METTL22: variants seen among roughly 807,000 people sequenced by gnomAD.
The protein encoded by METTL22 is methyltransferase 22, Kin17 lysine, also known as methyltransferase-like protein 22.
A neutral mutation model predicts 48.4 loss-of-function variants in METTL22; 51 were observed. The ratio of observed to expected loss-of-function variants is 1.05; its 90% CI spans 0.84 to 1.33. The LOEUF is 1.33. Among genes scored for constraint, METTL22 ranks in the 40% most tolerant of loss-of-function variants. METTL22 has a pLI of 0.00. For synonymous variants in METTL22, 255 were observed against 214.1 expected (o/e 1.19, Z -1.67); for missense variants, 678 against 526.9 (o/e 1.29, Z -2.81).
rs1447652809 is a variant in METTL22 at position 8,644,624 on chromosome 16, C to T, written c.1078C>T (p.His360Tyr). 2.5e-6 allele frequency: 4 copies of T among 1,605,994 alleles called. No homozygotes were observed. The change falls in exon 10 of 11, where the codon CAC becomes TAC. Residue 360 changes from histidine (H) to tyrosine (Y), a missense_variant. Physicochemically the swap from His to Tyr is moderately conservative, Grantham distance 83. Coordinates refer to ENST00000381920, the MANE Select transcript of METTL22 (RefSeq NM_024109.4). ...EAYDHFRSCL[H>Y]ALEQLADGKL... is the part of the protein sequence containing the mutation. ...CTACGATCACTTCCGCTCCTGCCTG[C>T]ACGCGCTGGAGCAGCTCGCAGATGG...
Position 8,642,581 on chromosome 16 carries a change from C to A in METTL22, c.1010+16C>A, listed in dbSNP as rs368955910. 1 of 1,611,590 alleles carries A rather than the reference C, an allele frequency of 6.2e-7. No individual in the cohort carries two copies. Among genetic ancestry groups the A allele is most frequent in the Non-Finnish European group, 8.5e-7 (1 of 1,177,678 alleles). On this transcript the variant is annotated intron_variant, in intron 9 of 10. Transcript: ENST00000381920. Reference sequence around the variant, plus strand: ...TGGAGAAGAGGTGAGCTTTGCGCCACGGGAACCGTGCTGACGTCCCGAGTG... The same window carrying A: ...TGGAGAAGAGGTGAGCTTTGCGCCAAGGGAACCGTGCTGACGTCCCGAGTG...
At chr16:8,631,390 T>C (rs1360397848) in intron 3 of METTL22, 1 of 152,158 alleles carries the variant, frequency 6.6e-6, no homozygotes, top group Non-Finnish European at 1.5e-5. Context: ...GGGCTGGAAC[T>C]CAGGCCGTCA....
In METTL22 at chr16:8,647,851, G is replaced by C. The variant is rs557269862; in HGVS notation, c.*1708G>C. 6.6e-6 allele frequency: 1 copy of C among 152,254 alleles called. No individual in the cohort carries two copies. Among genetic ancestry groups the C allele is most frequent in the African/African-American group, 2.4e-5 (1 of 41,458 alleles). The allele number at this position is 152,254 out of a possible 1,614,324, so 9.4% of individuals were successfully genotyped here. On this transcript the variant is annotated 3_prime_UTR_variant, in exon 11 of 11. Coordinates refer to ENST00000381920, the MANE Select transcript of METTL22 (RefSeq NM_024109.4). ...CAGAAGTGATCCCTATTTTGCACATGAGAAATCCAAAATTCAGAGAGGTTC... is the reference window on the plus strand; with the variant it reads ...CAGAAGTGATCCCTATTTTGCACATCAGAAATCCAAAATTCAGAGAGGTTC...
intron 2 of METTL22, 79 bp from the exon 3 acceptor site, chr16:8,628,651 G>T: frequency 2.6e-6 from 4 of 1,511,316 alleles, no homozygotes; most frequent in Non-Finnish European, 3.5e-6. Flanking sequence ...TTGGTAATCA[G>T]ATATTCTCAA....
At chr16:8,633,939 T>C (rs1218452134) in intron 3 of METTL22, among the ~76,000 whole-genome samples, 2 of 152,268 alleles carry the variant, frequency 1.3e-5, no homozygotes, top group African/African-American at 4.8e-5. Context: ...GTCTAGTGAA[T>C]GTTGGTTCAG....
chr16:8,641,589 C>T (rs1309671942), intron 7 of METTL22: 1 of 451,428 alleles, frequency 2.2e-6, no homozygotes. Flanking sequence ...TTCCATATTT[C>T]TTACACAGAC....
At chr16:8,629,985 A>G (rs942328791) in intron 3 of METTL22, among the ~76,000 whole-genome samples, 3 of 151,160 alleles carry the variant, frequency 2.0e-5, no homozygotes, top group East Asian at 3.9e-4. Flanking sequence ...TCGAATCCAC[A>G]CAGTGTCCAC....
intron 10 of METTL22, 142 bp downstream of exon 10, chr16:8,644,867 C>T: frequency 9.2e-6 from 8 of 873,386 alleles, no homozygotes; most frequent in Non-Finnish European, 1.2e-5. Context: ...TGCCTGGCAC[C>T]ATCTGTAGTG....
chr16:8,644,943 G>A (rs529991115), intron 10 of METTL22: 9 of 463,378 alleles, frequency 1.9e-5, no homozygotes, highest in African/African-American at 8.1e-5. Context: ...GCCTACAGGC[G>A]AACCTTGTCT....
In METTL22 at chr16:8,628,828, C is replaced by T. The variant is rs376843461; in HGVS notation, c.232C>T (p.Pro78Ser). The change falls in exon 3 of 11, where the codon CCT becomes TCT. Residue 78 changes from proline (P) to serine (S), a missense_variant. Transcript: ENST00000381920. ...CAGAGATGTTCACACAAAGGAGCCT[C>T]CTTCTGCTGAGACAGGCAGCACAGG... Reference protein sequence around the residue: ...SHRDVHTKEPPSAETGSTGSP... With the variant: ...SHRDVHTKEPSSAETGSTGSP... The T allele has an allele frequency of 2.7e-5, 44 of 1,614,058 alleles. No homozygotes were observed. The highest frequency in any genetic ancestry group is 3.6e-5 in the Non-Finnish European group (43 of 1,180,052).
chr16:8,644,320 C>G (rs144913998), intron 9 of METTL22: 18 of 363,750 alleles, frequency 4.9e-5, no homozygotes, highest in African/African-American at 3.5e-4. Context: ...GGCACGTGAC[C>G]TGAGCTTTCT....
At chr16:8,646,018 A>T (rs769201012) in intron 10 of METTL22, 90 bp from the exon 11 acceptor site, 17 of 1,584,898 alleles carry the variant, frequency 1.1e-5, no homozygotes, top group Non-Finnish European at 1.3e-5. Flanking sequence ...TTGTCTAACT[A>T]CTCTCCTTGG....
the METTL22 span, among the ~76,000 whole-genome samples, chr16:8,663,860 C>A: frequency 6.6e-6 from 1 of 152,120 alleles, no homozygotes; most frequent in South Asian, 2.1e-4. Flanking sequence ...ACGTGTTGGG[C>A]TCAGTAATCC....
intron 3 of METTL22, 74 bp from the exon 4 acceptor site, chr16:8,634,965 A>G: frequency 6.2e-7 from 1 of 1,601,296 alleles, no homozygotes; most frequent in Non-Finnish European, 8.5e-7. Flanking sequence ...CGGTTGCCAC[A>G]CTGTCCTGTC....
At chr16:8,659,136 G>T in the METTL22 span, among the ~76,000 whole-genome samples, 59 of 152,242 alleles carry the variant, frequency 3.9e-4, no homozygotes, top group Middle Eastern at 3.4e-3. Flanking sequence ...TTCGAGACCA[G>T]CCTGGCCAAC....
chr16:8,629,060 AC>A lies in METTL22; in HGVS notation c.465del (p.Asp155GlufsTer17). 1 of 1,613,922 alleles carries A rather than the reference AC, an allele frequency of 6.2e-7. No homozygotes were observed. Among genetic ancestry groups the A allele is most frequent in the Non-Finnish European group, 8.5e-7 (1 of 1,180,032 alleles). On this transcript the variant is annotated frameshift_variant, in exon 3 of 11. Transcript: ENST00000381920. LOFTEE classifies it high-confidence loss of function. The part of the protein sequence containing the change: ...HPMILAQEED[D>X]VLGEEAQGSP... The stretch of plus-strand genomic sequence containing the variant: ...ATGATTCTAGCACAGGAAGAAGACG[AC>A]GTCCTGGGAGAGGAAGCACAAGGCA...
rs745924330 is a variant in METTL22, at chr16:8,642,524, A to T, written c.969A>T (p.Arg323Ser). 2 of 1,614,210 alleles carry T rather than the reference A, an allele frequency of 1.2e-6. No individual in the cohort carries two copies. Among genetic ancestry groups the T allele is most frequent in the South Asian group, 2.2e-5 (2 of 91,082 alleles). Reference sequence around the variant, plus strand: ...AAACGCTCTCCCGACTCGCCCACAGATTGAAAAATGCCTGCACAGCCATAC... The same window carrying T: ...AAACGCTCTCCCGACTCGCCCACAGTTTGAAAAATGCCTGCACAGCCATAC... Reference protein sequence around the residue: ...VFKTLSRLAHRLKNACTAILS... With the variant: ...VFKTLSRLAHSLKNACTAILS... Residue 323 changes from arginine to serine, a missense_variant, in exon 9 of 11, where the codon AGA becomes AGT. By Grantham distance (110) the Arg-to-Ser change is moderately radical (BLOSUM62 -1). Coordinates refer to ENST00000381920, the MANE Select transcript of METTL22 (RefSeq NM_024109.4).
chr16:8,661,340 C>A, the METTL22 span, among the ~76,000 whole-genome samples: 9 of 151,982 alleles, frequency 5.9e-5, no homozygotes, highest in African/African-American at 2.2e-4. Flanking sequence ...CAGATAAAAC[C>A]CGCCTTTATT....
the METTL22 span, among the ~76,000 whole-genome samples, chr16:8,665,140 C>CAAA: frequency 2.9e-5 from 2 of 68,688 alleles, no homozygotes; most frequent in African/African-American, 8.8e-5. Context: ...ACTAAAAATA[C>CAAA]AAAAAAAGTA....
Sources: gnomAD v4.1 joint callset for allele counts (sites outside exome capture counted in the v4.1 genomes callset) on GRCh38, gnomAD v4.1.1 for gene constraint, MANE v1.5 for transcripts, NCBI Gene and HGNC (gene_info 2026-07-23, HGNC 2026-07-21) for gene names.